The following CADM2 variants were observed in gnomAD, a reference collection of about 807,000 sequenced individuals.
CADM2 encodes cell adhesion molecule 2, also known as immunoglobulin superfamily member 4D.
In CADM2, 12 loss-of-function variants were observed where a neutral mutation model predicts 49.8. The observed-to-expected ratio is 0.24, with a 90% confidence interval of 0.15 to 0.39. The LOEUF is 0.39. Among genes scored for constraint, CADM2 ranks in the 10% least tolerant of loss-of-function variants. The probability of loss-of-function intolerance (pLI) is 1.00; values close to 1 mark genes in which losing one functional copy is unlikely to be tolerated. For missense variants in CADM2, 378 were observed against 492.3 expected, an observed-to-expected ratio of 0.77 and a Z score of 2.20; for synonymous variants, 214 against 175.4, an observed-to-expected ratio of 1.22 and a Z score of -1.74.
intron 1 of CADM2, among the ~76,000 whole-genome samples, chr3:85,390,048 A>C (rs2107391765): frequency 6.6e-6 from 1 of 152,220 alleles, no homozygotes. Flanking sequence ...ACATATAAGA[A>C]GGAATAAAAG....
intron 1 of CADM2, among the ~76,000 whole-genome samples, chr3:85,666,941 TA>T (rs1259542719): frequency 6.6e-6 from 1 of 152,048 alleles, no homozygotes; most frequent in Non-Finnish European, 1.5e-5. Flanking sequence ...AATAAAACTC[TA>T]AAATTATATT....
At chr3:85,099,954 T>A (rs1214612037) in intron 1 of CADM2, among the ~76,000 whole-genome samples, 2 of 151,946 alleles carry the variant, frequency 1.3e-5, no homozygotes, top group African/African-American at 4.9e-5. Context: ...TATAATTGAA[T>A]TTTATTTATT....
chr3:86,025,540 C>T (rs1403128648), intron 8 of CADM2, among the ~76,000 whole-genome samples: 1 of 151,856 alleles, frequency 6.6e-6, no homozygotes, highest in Non-Finnish European at 1.5e-5. Flanking sequence ...TTCACATCTT[C>T]ATCTGGCAGA....
intron 1 of CADM2, among the ~76,000 whole-genome samples, chr3:85,479,206 G>C (rs555220198): frequency 6.6e-6 from 1 of 151,718 alleles, no homozygotes; most frequent in South Asian, 2.1e-4. Flanking sequence ...TCAACCTCCC[G>C]AGTACCAGGG....
In CADM2 at chr3:85,655,230, C is replaced by T. The variant is rs1056310322; in HGVS notation, c.62-71292C>T. 4.6e-5 allele frequency among the ~76,000 whole-genome samples: 7 copies of T among 151,596 alleles called. No homozygotes were observed. In the South Asian group the frequency reaches 1.0e-3, roughly 23 times the overall value. ...AGTGCAGTGGTGTGATCTCAGCTTA[C>T]TGGAATCTCTACCTCCCAGGTTCAA... On this transcript the variant is annotated intron_variant, in intron 1 of 9. Coordinates refer to ENST00000383699, the MANE Select transcript of CADM2 (RefSeq NM_001167675.2).
At chr3:85,511,670 TATGCA>T (rs1262726510) in intron 1 of CADM2, among the ~76,000 whole-genome samples, 2 of 152,074 alleles carry the variant, frequency 1.3e-5, no homozygotes, top group Non-Finnish European at 1.5e-5. Flanking sequence ...TTCTTTTGAC[TATGCA>T]TTTTTGGAAA....
chr3:85,309,043 C>T (rs116406578), intron 1 of CADM2, among the ~76,000 whole-genome samples: 4,546 of 152,116 alleles, frequency 0.03, 218 homozygotes, highest in African/African-American at 0.1. Flanking sequence ...AAATTAAGCT[C>T]TTTTACAGTA....
intron 1 of CADM2, among the ~76,000 whole-genome samples, chr3:85,262,978 TTTTCTTTCTTTC>T (rs112172844): frequency 6.6e-6 from 1 of 150,934 alleles, no homozygotes; most frequent in Non-Finnish European, 1.5e-5. Flanking sequence ...GTATTTATCT[TTTTCTTTCTTTC>T]TTTCTTTCTT....
intron 1 of CADM2, among the ~76,000 whole-genome samples, chr3:85,127,681 G>A (rs894191011): frequency 2.6e-5 from 4 of 151,986 alleles, no homozygotes; most frequent in Admixed American, 2.6e-4. Context: ...TCTTCAAACT[G>A]GTCTTTTATG....
intron 1 of CADM2, among the ~76,000 whole-genome samples, chr3:85,611,385 TATCTC>T (rs1198371464): frequency 2.0e-5 from 3 of 151,824 alleles, no homozygotes; most frequent in Non-Finnish European, 4.4e-5. Context: ...ATTAATAACA[TATCTC>T]AGCATATCAC....
chr3:85,081,593 C>A (rs1360358887), intron 1 of CADM2, among the ~76,000 whole-genome samples: 3 of 152,150 alleles, frequency 2.0e-5, no homozygotes, highest in Non-Finnish European at 4.4e-5. Context: ...GTGAGTAACT[C>A]TTCCAGGTTT....
intron 1 of CADM2, among the ~76,000 whole-genome samples, chr3:85,700,912 A>G (rs996626336): frequency 2.0e-5 from 3 of 152,100 alleles, no homozygotes; most frequent in Admixed American, 6.6e-5. Context: ...AAAGTTCACA[A>G]TTTCGGATAT....
chr3:85,800,646 C>CT (rs1350616919), intron 2 of CADM2, among the ~76,000 whole-genome samples: 3 of 152,288 alleles, frequency 2.0e-5, no homozygotes, highest in Non-Finnish European at 4.4e-5. Flanking sequence ...CATGGCTTCT[C>CT]TTATTTAGGG....
At chr3:85,216,302 A>T (rs921372086) in intron 1 of CADM2, among the ~76,000 whole-genome samples, 2 of 144,874 alleles carry the variant, frequency 1.4e-5, no homozygotes, top group South Asian at 4.2e-4. Flanking sequence ...TAATATATTT[A>T]TATATATTTA....
intron 1 of CADM2, among the ~76,000 whole-genome samples, chr3:85,463,624 AT>A (rs1281837176): frequency 1.3e-5 from 2 of 152,176 alleles, no homozygotes; most frequent in Non-Finnish European, 2.9e-5. Flanking sequence ...AGTGAAAAAA[AT>A]CTTTACATTC....
At chr3:85,530,207 A>T (rs992039837) in intron 1 of CADM2, among the ~76,000 whole-genome samples, 2 of 151,478 alleles carry the variant, frequency 1.3e-5, no homozygotes, top group African/African-American at 4.9e-5. Context: ...GCTCTGAAAT[A>T]CCTGCCGCCA....
At chr3:85,644,254 A>T in intron 1 of CADM2, among the ~76,000 whole-genome samples, 1 of 152,120 alleles carries the variant, frequency 6.6e-6, no homozygotes, top group East Asian at 1.9e-4. Flanking sequence ...AAAGAGAGAG[A>T]GGAAGAAAGA....
chr3:85,071,026 A>G (rs2036723157), intron 1 of CADM2, among the ~76,000 whole-genome samples: 1 of 148,758 alleles, frequency 6.7e-6, no homozygotes, highest in Non-Finnish European at 1.5e-5. Flanking sequence ...AAATAAACAA[A>G]TAAATAAATA....
chr3:85,792,943 G>A (rs1317630952), intron 2 of CADM2, among the ~76,000 whole-genome samples: 1 of 152,034 alleles, frequency 6.6e-6, no homozygotes, highest in Non-Finnish European at 1.5e-5. Flanking sequence ...TGTCCTATGT[G>A]ATAGTGTGCT....
Sources: allele counts gnomAD v4.1 joint callset (sites outside exome capture counted in the v4.1 genomes callset), GRCh38; gene constraint gnomAD v4.1.1; transcripts MANE v1.5; gene names NCBI Gene and HGNC (gene_info 2026-07-23, HGNC 2026-07-21).